EEFSEC: variants seen among roughly 807,000 people sequenced by gnomAD.
EEFSEC encodes the protein eukaryotic elongation factor, selenocysteine-tRNA specific, also known as selenocysteine-specific elongation factor.
A neutral mutation model predicts 42.1 loss-of-function variants in EEFSEC; 43 were observed. The observed-to-expected ratio is 1.02, with a 90% confidence interval of 0.80 to 1.32. EEFSEC has a LOEUF of 1.32. Among genes scored for constraint, EEFSEC ranks in the 40% most tolerant of loss-of-function variants. The pLI is 0.00. For missense variants in EEFSEC, 745 were observed against 803.6 expected (o/e 0.93, Z 0.88); for synonymous variants, 354 against 339.1 (o/e 1.04, Z -0.48).
At position 128,393,540 on chromosome 3, in the gene EEFSEC, C is replaced by G. The variant is rs78669742; in HGVS notation, c.1601-14529C>G. 3.2e-3 allele frequency among the ~76,000 whole-genome samples: 487 copies of G among 152,274 alleles called. 2 individuals carry two copies. The highest frequency in any genetic ancestry group is 0.011 in the African/African-American group (464 of 41,562). The stretch of plus-strand genomic sequence containing the variant: ...GCTCCAAGCTGAGGCCTATGCACTC[C>G]AAGACCGGGGGGCAGCATATCCCAG... On this transcript the variant is annotated intron_variant, in intron 6 of 6. Coordinates refer to ENST00000254730, the MANE Select transcript of EEFSEC (RefSeq NM_021937.5).
intron 4 of EEFSEC, among the ~76,000 whole-genome samples, chr3:128,278,712 TCATG>T: frequency 6.6e-6 from 1 of 152,244 alleles, no homozygotes; most frequent in South Asian, 2.1e-4. Flanking sequence ...CTCTTCTTGT[TCATG>T]GTGGGGGAGC....
intron 2 of EEFSEC, among the ~76,000 whole-genome samples, chr3:128,254,947 A>G (rs753482021): frequency 1.4e-4 from 22 of 152,176 alleles, no homozygotes; most frequent in Non-Finnish European, 3.2e-4. Flanking sequence ...GCAAGATCCT[A>G]AGAGGAGAAC....
chr3:128,365,074 G>A (rs1032742192), intron 6 of EEFSEC, among the ~76,000 whole-genome samples: 10 of 152,228 alleles, frequency 6.6e-5, no homozygotes, highest in Non-Finnish European at 1.0e-4. Context: ...CTGGTAGCCC[G>A]TGGCCCCTGT....
At chr3:128,417,375 C>A in the EEFSEC span, among the ~76,000 whole-genome samples, 3 of 152,138 alleles carry the variant, frequency 2.0e-5, no homozygotes, top group African/African-American at 7.2e-5. The surrounding 1 kb of genome is among the most constrained non-coding windows in gnomAD (Gnocchi z 4.3). Flanking sequence ...GTCCCAGGTA[C>A]TCCCTCCCGC....
chr3:128,153,907 G>T, intron 1 of EEFSEC, 84 bp downstream of exon 1: 1 of 1,417,438 alleles, frequency 7.1e-7, no homozygotes, highest in Non-Finnish European at 9.1e-7. Context: ...TCGAGCCTTT[G>T]CCGGGACGGG....
intron 1 of EEFSEC, among the ~76,000 whole-genome samples, chr3:128,177,228 C>T (rs1386722149): frequency 6.6e-6 from 1 of 151,784 alleles, no homozygotes; most frequent in Admixed American, 6.5e-5. Flanking sequence ...TTTGTTGATT[C>T]CTTATCTTAA....
chr3:128,319,900 G>A (rs935731759), intron 4 of EEFSEC, among the ~76,000 whole-genome samples: 5 of 152,338 alleles, frequency 3.3e-5, no homozygotes, highest in Admixed American at 3.3e-4. Flanking sequence ...CTGCAGACAC[G>A]CTCAGTTCTG....
intron 4 of EEFSEC, among the ~76,000 whole-genome samples, chr3:128,309,816 C>T (rs1385199758): frequency 3.3e-5 from 5 of 152,220 alleles, no homozygotes; most frequent in Non-Finnish European, 7.3e-5. Context: ...GGCCTGGACA[C>T]ACCGATTCTT....
chr3:128,387,968 C>T (rs967039234), intron 6 of EEFSEC, among the ~76,000 whole-genome samples: 6 of 152,156 alleles, frequency 3.9e-5, no homozygotes, highest in African/African-American at 1.2e-4. Context: ...GAGGGTGCCA[C>T]GAGCAGAGAC....
At chr3:128,363,254 G>C (rs1050788879) in intron 6 of EEFSEC, among the ~76,000 whole-genome samples, 1 of 152,242 alleles carries the variant, frequency 6.6e-6, no homozygotes, top group Non-Finnish European at 1.5e-5. Flanking sequence ...GCCAGGGCTA[G>C]GATAGTCTGT....
chr3:128,248,956 C>T (rs150100849), intron 2 of EEFSEC, among the ~76,000 whole-genome samples: 4 of 152,352 alleles, frequency 2.6e-5, no homozygotes, highest in Non-Finnish European at 5.9e-5. Flanking sequence ...CCAGCACCAG[C>T]AGGCTGGTAG....
chr3:128,179,654 C>T (rs888747985), intron 1 of EEFSEC, among the ~76,000 whole-genome samples: 1 of 152,190 alleles, frequency 6.6e-6, no homozygotes, highest in Non-Finnish European at 1.5e-5. Context: ...CTCAGAGATG[C>T]AGTAGTGGCT....
At chr3:128,198,701 G>A (rs1447761219) in intron 1 of EEFSEC, among the ~76,000 whole-genome samples, 1 of 152,116 alleles carries the variant, frequency 6.6e-6, no homozygotes, top group African/African-American at 2.4e-5. Context: ...GAGTGTTGCT[G>A]GCACCTTTCT....
chr3:128,425,907 G>A, the EEFSEC span, among the ~76,000 whole-genome samples: 2 of 152,110 alleles, frequency 1.3e-5, no homozygotes, highest in Non-Finnish European at 2.9e-5. Context: ...TCCAAGATCC[G>A]GGGGAAGGGT....
intron 4 of EEFSEC, among the ~76,000 whole-genome samples, chr3:128,306,094 A>T (rs563805820): frequency 1.3e-5 from 2 of 152,200 alleles, no homozygotes; most frequent in African/African-American, 4.8e-5. Flanking sequence ...ATGCATTTAA[A>T]GTTTTTATTG....
chr3:128,400,338 T>G (rs2068034729), intron 6 of EEFSEC, among the ~76,000 whole-genome samples: 1 of 152,186 alleles, frequency 6.6e-6, no homozygotes, highest in Non-Finnish European at 1.5e-5. Context: ...GTGGCCTTGC[T>G]AGGCAGCCCC....
intron 5 of EEFSEC, among the ~76,000 whole-genome samples, chr3:128,346,541 A>T (rs1387850442): frequency 6.6e-6 from 1 of 152,252 alleles, no homozygotes; most frequent in Non-Finnish European, 1.5e-5. Context: ...ATGTAATGTG[A>T]TAAAATAATA....
chr3:128,418,934 A>G, the EEFSEC span, among the ~76,000 whole-genome samples: 1 of 152,108 alleles, frequency 6.6e-6, no homozygotes, highest in Non-Finnish European at 1.5e-5. Flanking sequence ...AGACTAGGGG[A>G]CATCACATGT....
intron 4 of EEFSEC, 104 bp from the exon 5 acceptor site, chr3:128,341,129 G>T (rs990293227): frequency 2.2e-6 from 3 of 1,394,060 alleles, no homozygotes; most frequent in African/African-American, 2.9e-5. Context: ...CACGGTGCCT[G>T]CAGGTGGTGG....
Sources: allele counts gnomAD v4.1 joint callset (sites outside exome capture counted in the v4.1 genomes callset), GRCh38; gene constraint gnomAD v4.1.1; non-coding constraint Gnocchi (gnomAD v3.1); transcripts MANE v1.5; gene names NCBI Gene and HGNC (gene_info 2026-07-23, HGNC 2026-07-21).